STRBP: variants seen among roughly 807,000 people sequenced by gnomAD.
STRBP encodes the protein spermatid perinuclear RNA-binding protein.
STRBP carries 13 observed loss-of-function variants against 80.1 expected under a neutral mutation model. The observed-to-expected ratio is 0.16, with a 90% confidence interval of 0.11 to 0.26. The LOEUF is 0.26. Among genes scored for constraint, STRBP ranks in the 10% least tolerant of loss-of-function variants. The probability of loss-of-function intolerance (pLI) is 1.00; values close to 1 mark genes in which losing one functional copy is unlikely to be tolerated. For synonymous variants in STRBP, 284 were observed against 291.2 expected (o/e 0.98, Z 0.25); for missense variants, 485 against 815.2 (o/e 0.59, Z 4.93).
At chr9:123,173,580 T>C in intron 5 of STRBP, 97 bp downstream of exon 5, 2 of 1,312,092 alleles carry the variant, frequency 1.5e-6, no homozygotes, top group African/African-American at 1.5e-5. Flanking sequence ...GTCTATCCTA[T>C]TAGCTATTAG....
At chr9:123,153,059 T>C (rs1461521176) in intron 11 of STRBP, among the ~76,000 whole-genome samples, 1 of 152,082 alleles carries the variant, frequency 6.6e-6, no homozygotes, top group African/African-American at 2.4e-5. Flanking sequence ...ATTGCTTCTT[T>C]GTGGAGAACA....
At position 123,124,007 on chromosome 9, in the gene STRBP, C is replaced by T. The variant is rs1242482987; in HGVS notation, c.*1590G>A. ...GGTTTTATTAAAGTATCACCCACCA[C>T]TAATAAAGACAAAAGACCAAGGAGA... On this transcript the variant is annotated 3_prime_UTR_variant, in exon 19 of 19. Transcript: ENST00000348403. 3 of 985,240 alleles carry T rather than the reference C, an allele frequency of 3.0e-6. No homozygotes were observed. The highest frequency in any genetic ancestry group is 3.6e-6 in the Non-Finnish European group (3 of 829,934). The allele number at this position is 985,240 out of a possible 1,614,324, so 61.0% of individuals were successfully genotyped here.
At chr9:123,147,692 A>C (rs1025622285) in intron 12 of STRBP, 86 bp downstream of exon 12, 34 of 1,147,954 alleles carry the variant, frequency 3.0e-5, no homozygotes, top group South Asian at 2.1e-4. Context: ...AAAAAAAAAA[A>C]AAAAAAACCC....
chr9:123,204,055 T>C (rs1480466509), intron 2 of STRBP, among the ~76,000 whole-genome samples: 2 of 152,204 alleles, frequency 1.3e-5, no homozygotes, highest in Non-Finnish European at 2.9e-5. Context: ...ATCTGTTTTA[T>C]TTTTCTGCAT....
chr9:123,238,412 T>C (rs979914980), intron 1 of STRBP, among the ~76,000 whole-genome samples: 4 of 152,228 alleles, frequency 2.6e-5, no homozygotes, highest in African/African-American at 9.6e-5. Context: ...TTCTAGGAGA[T>C]ATACAATTAA....
Position 123,139,627 on chromosome 9 carries a change from C to T in STRBP, c.1399G>A (p.Asp467Asn). The part of the protein sequence containing the change: ...FDADIECMSS[D>N]EKSDNESKNE... ...TTACTTTCATTATCTGATTTTTCAT[C>T]GGAACTCATACATTCAATATCTGCA... Residue 467 changes from aspartate (D) to asparagine (N), a missense_variant, in exon 14 of 19, where the codon GAT (aspartate) becomes AAT (asparagine). Transcript: ENST00000348403. The T allele has an allele frequency of 3.1e-6, 5 of 1,612,638 alleles. No individual in the cohort carries two copies. Among genetic ancestry groups the T allele is most frequent in the Non-Finnish European group, 3.4e-6 (4 of 1,179,736 alleles).
At chr9:123,170,794 A>G (rs554130044) in intron 5 of STRBP, among the ~76,000 whole-genome samples, 5 of 152,166 alleles carry the variant, frequency 3.3e-5, no homozygotes, top group Non-Finnish European at 7.3e-5. Context: ...TTAATATATT[A>G]TTATACATTA....
Position 123,139,533 on chromosome 9 carries a change from AAGGTACTGG to A in STRBP, c.1484_1492del (p.Ser495_Thr497del). The A allele has an allele frequency of 6.3e-7, 1 of 1,599,710 alleles. No individual in the cohort carries two copies. Among genetic ancestry groups the A allele is most frequent in the Non-Finnish European group, 8.5e-7 (1 of 1,175,626 alleles). ...CTGAGAAAAAAATAAGTATACCTCTAAGGTACTGGAGGTTTCAGTTGTAGAATTTCCAGT... is the reference window on the plus strand; with the variant it reads ...CTGAGAAAAAAATAAGTATACCTCTAAGGTTTCAGTTGTAGAATTTCCAGT... On this transcript the variant is annotated inframe_deletion, in exon 14 of 19. Transcript: ENST00000348403.
chr9:123,115,722 A>T lies in STRBP; in HGVS notation c.*84+207T>A, dbSNP rs1042607109. On this transcript the variant is annotated intron_variant and NMD_transcript_variant, in intron 3 of 3. Transcript: ENST00000471564. This position sits in a 1 kb window ranked among gnomAD's most constrained non-coding sequence, Gnocchi z 5.0. ...TTCGTCCAAACTGACATTCCACAGC[A>T]TTTCCTCTTTGCCGTCCACACAACC... 2.1e-5 allele frequency: 7 copies of T among 335,338 alleles called. No homozygotes were observed. The highest frequency in any genetic ancestry group is 4.3e-5 in the African/African-American group (2 of 46,446). 20.8% of individuals were successfully genotyped at this position (335,338 alleles called of 1,614,324 possible).
intron 2 of STRBP, among the ~76,000 whole-genome samples, chr9:123,193,330 G>A (rs1351865427): frequency 6.6e-6 from 1 of 152,116 alleles, no homozygotes; most frequent in Non-Finnish European, 1.5e-5. Context: ...ATCTAAGGAG[G>A]TTCCATCCAA....
At chr9:123,198,735 C>T (rs1242628370) in intron 2 of STRBP, among the ~76,000 whole-genome samples, 1 of 152,128 alleles carries the variant, frequency 6.6e-6, no homozygotes, top group Admixed American at 6.5e-5. Context: ...TCAGGTCTTA[C>T]ATTTAAGTCC....
At chr9:123,193,481 C>G (rs2038994220) in intron 2 of STRBP, among the ~76,000 whole-genome samples, 1 of 152,202 alleles carries the variant, frequency 6.6e-6, no homozygotes, top group Non-Finnish European at 1.5e-5. Context: ...CAAACCCTAT[C>G]CCATTCCTTC....
intron 11 of STRBP, 112 bp downstream of exon 11, chr9:123,157,900 T>C (rs1429510954): frequency 2.5e-6 from 2 of 815,102 alleles, no homozygotes; most frequent in Admixed American, 2.2e-5. Context: ...GCTTTTTATA[T>C]ATGATTTGGA....
intron 2 of STRBP, among the ~76,000 whole-genome samples, chr9:123,204,632 A>C (rs1366277267): frequency 1.3e-5 from 2 of 152,160 alleles, no homozygotes; most frequent in Non-Finnish European, 2.9e-5. Flanking sequence ...TAAGAATTCA[A>C]ATATGCTGTG....
chr9:123,171,270 C>G (rs1247911039), intron 5 of STRBP, among the ~76,000 whole-genome samples: 2 of 152,084 alleles, frequency 1.3e-5, no homozygotes, highest in Non-Finnish European at 2.9e-5. Context: ...TTTGGTCATC[C>G]TCCTCCTCCT....
chr9:123,131,267 T>C (rs1169103131), intron 17 of STRBP, among the ~76,000 whole-genome samples: 1 of 152,220 alleles, frequency 6.6e-6, no homozygotes, highest in Non-Finnish European at 1.5e-5. Context: ...CTTGTCACTA[T>C]TCTCCTAAGA....
intron 13 of STRBP, among the ~76,000 whole-genome samples, chr9:123,144,316 G>A (rs2036721533): frequency 6.6e-6 from 1 of 151,832 alleles, no homozygotes; most frequent in Non-Finnish European, 1.5e-5. Flanking sequence ...AGGTTGTTTT[G>A]AGAATTCATA....
chr9:123,159,294 G>C, intron 8 of STRBP, 87 bp from the exon 9 acceptor site: 1 of 862,856 alleles, frequency 1.2e-6, no homozygotes, highest in African/African-American at 1.7e-5. Flanking sequence ...CTATCTACAA[G>C]GGAGGCCAAA....
chr9:123,152,413 G>A lies in STRBP; in HGVS notation c.1046-4543C>T, dbSNP rs566423265. ...AAATTTTATATATAAATATACACAC[G>A]TGTATATATATATGATTGTTCATAG... On this transcript the variant is annotated intron_variant, in intron 11 of 18. Transcript: ENST00000348403. Among the ~76,000 whole-genome samples the A allele has an allele frequency of 1.3e-4, 19 of 151,814 alleles. No individual in the cohort carries two copies. In the East Asian group the frequency reaches 2.5e-3, roughly 20 times the overall value.
Sources: allele counts gnomAD v4.1 joint callset (sites outside exome capture counted in the v4.1 genomes callset), GRCh38; gene constraint gnomAD v4.1.1; non-coding constraint Gnocchi (gnomAD v3.1); transcripts MANE v1.5; gene names NCBI Gene and HGNC (gene_info 2026-07-23, HGNC 2026-07-21).